Variants in ZNF652 observed in about 807,000 individuals in gnomAD.
ZNF652 encodes the protein zinc finger protein 652.
A neutral mutation model predicts 45.2 loss-of-function variants in ZNF652; 16 were observed. That is an observed-to-expected ratio of 0.35 (90% CI 0.24 to 0.54). The LOEUF (loss-of-function observed/expected upper bound fraction) is 0.54. Ranked by LOEUF, ZNF652 falls within the 20% of genes least tolerant of loss-of-function variation. ZNF652 has a pLI of 0.91. For synonymous variants in ZNF652, 250 were observed against 260.6 expected (o/e 0.96, Z 0.39); for missense variants, 614 against 765.6 (o/e 0.80, Z 2.34).
intron 1 of ZNF652, among the ~76,000 whole-genome samples, chr17:49,357,623 C>G (rs891689571): frequency 6.6e-6 from 1 of 152,178 alleles, no homozygotes; most frequent in Non-Finnish European, 1.5e-5. Context: ...ACTGATATTG[C>G]CACTGATTCT....
At chr17:49,360,447 G>C (rs907500353) in intron 1 of ZNF652, among the ~76,000 whole-genome samples, 1 of 152,108 alleles carries the variant, frequency 6.6e-6, no homozygotes, top group Non-Finnish European at 1.5e-5. Flanking sequence ...ACTAACCACT[G>C]AAGTCAGTTC....
In ZNF652 at chr17:49,297,962, AC is replaced by A. The variant is rs1478753858; in HGVS notation, c.*450del. 1 of 164,504 alleles carries A rather than the reference AC, an allele frequency of 6.1e-6. No individual in the cohort carries two copies. Among genetic ancestry groups the A allele is most frequent in the East Asian group, 1.8e-4 (1 of 5,478 alleles). 10.2% of individuals were successfully genotyped at this position (164,504 alleles called of 1,614,324 possible). A position where few individuals can be genotyped will look rare whatever the true frequency, so the allele number is the denominator to read the frequency against. On this transcript the variant is annotated 3_prime_UTR_variant, in exon 6 of 6. Coordinates refer to ENST00000430262, the MANE Select transcript of ZNF652 (RefSeq NM_001145365.3). ...TGGCCAGCTCAACTCTGTAGCTGGC[AC>A]CAAAAGCTGAAAAGAATTCCTTACC...
At chr17:49,346,666 T>C (rs577391326) in intron 1 of ZNF652, among the ~76,000 whole-genome samples, 15 of 152,332 alleles carry the variant, frequency 9.8e-5, no homozygotes, top group African/African-American at 3.6e-4. Flanking sequence ...TTGATATATA[T>C]ATGTTATATA....
chr17:49,361,662 C>CAGG (rs2070396242), intron 1 of ZNF652, among the ~76,000 whole-genome samples: 1 of 152,140 alleles, frequency 6.6e-6, no homozygotes, highest in African/African-American at 2.4e-5. Context: ...AGCCCGGGTC[C>CAGG]AGGAGGAAGG....
intron 1 of ZNF652, among the ~76,000 whole-genome samples, chr17:49,325,218 A>C (rs2069944331): frequency 6.6e-6 from 1 of 152,088 alleles, no homozygotes; most frequent in Admixed American, 6.6e-5. Flanking sequence ...TCTTCCCTTC[A>C]CTTGACCACT....
chr17:49,316,175 T>G (rs1275714735), intron 2 of ZNF652, among the ~76,000 whole-genome samples: 1 of 152,246 alleles, frequency 6.6e-6, no homozygotes, highest in African/African-American at 2.4e-5. Flanking sequence ...AACAGCCTGG[T>G]TTGAATACCG....
intron 1 of ZNF652, among the ~76,000 whole-genome samples, chr17:49,349,219 C>G (rs1220749809): frequency 6.6e-6 from 1 of 152,054 alleles, no homozygotes; most frequent in South Asian, 2.1e-4. Context: ...GTCAGGAGTT[C>G]AAGACCACCC....
rs2069374897 is a variant in ZNF652, at chr17:49,289,385, T to C, written c.*9028A>G. 6.6e-6 allele frequency: 1 copy of C among 152,236 alleles called. No homozygotes were observed. The highest frequency in any genetic ancestry group is 1.5e-5 in the Non-Finnish European group (1 of 68,046). 9.4% of individuals were successfully genotyped at this position (152,236 alleles called of 1,614,324 possible). A position where few individuals can be genotyped will look rare whatever the true frequency, so the allele number is the denominator to read the frequency against. Reference sequence around the variant, plus strand: ...TTAAAAATACACAAAAAAGTAGTTTTAACAATCTATAAATTTTTTATACTT... The same window carrying C: ...TTAAAAATACACAAAAAAGTAGTTTCAACAATCTATAAATTTTTTATACTT... On this transcript the variant is annotated 3_prime_UTR_variant, in exon 6 of 6. Coordinates refer to ENST00000430262, the MANE Select transcript of ZNF652 (RefSeq NM_001145365.3).
rs1267616405 is a variant in ZNF652, at chr17:49,317,622, GA to G, written c.103del (p.Ser35ProfsTer28). 1 of 1,613,962 alleles carries G rather than the reference GA, an allele frequency of 6.2e-7. No homozygotes were observed. The highest frequency in any genetic ancestry group is 8.5e-7 in the Non-Finnish European group (1 of 1,179,996). ...TTCTTGGTTGGCACCATGATAAAAG[GA>G]AGATGGCACTTGACCACGACGGCTA... ...EDSRRGQVPS[S>X]FYHGANQELD... On this transcript the variant is annotated frameshift_variant, in exon 2 of 6. Transcript: ENST00000430262. LOFTEE classifies it high-confidence loss of function.
In ZNF652 at chr17:49,317,000, T is replaced by C; in HGVS notation, c.726A>G (p.Lys242=). The change falls in exon 2 of 6, where the codon AAA becomes AAG. Residue 242 remains lysine, a synonymous_variant. Coordinates refer to ENST00000430262, the MANE Select transcript of ZNF652 (RefSeq NM_001145365.3). ...GGCACTTCTCACAGGTCAGAGTCTC[T>C]TTCTCTTCACACTTAGCTTTCTGGA... is the stretch of plus-strand genomic sequence containing the variant. The part of the protein sequence containing the change: ...APVQKAKCEE[K]ETLTCEKCPR... 4 of 1,614,158 alleles carry C rather than the reference T, an allele frequency of 2.5e-6. No homozygotes were observed. Among genetic ancestry groups the C allele is most frequent in the Non-Finnish European group, 3.4e-6 (4 of 1,180,036 alleles).
intron 1 of ZNF652, among the ~76,000 whole-genome samples, chr17:49,335,333 G>A (rs1399737643): frequency 6.6e-6 from 1 of 152,158 alleles, no homozygotes; most frequent in Non-Finnish European, 1.5e-5. Context: ...CTTCCATACT[G>A]CTGGGCAGGT....
chr17:49,351,069 ATATT>A (rs1344215502), intron 1 of ZNF652, among the ~76,000 whole-genome samples: 1 of 147,236 alleles, frequency 6.8e-6, no homozygotes, highest in Non-Finnish European at 1.5e-5. Context: ...TTTTATATAA[ATATT>A]TATATATATT....
intron 1 of ZNF652, among the ~76,000 whole-genome samples, chr17:49,340,552 A>T (rs1431892635): frequency 7.8e-6 from 1 of 127,662 alleles, no homozygotes; most frequent in Non-Finnish European, 1.7e-5. Flanking sequence ...TCTGTCTCAA[A>T]AAAAAAAAAA....
At chr17:49,315,869 G>A (rs1322756399) in intron 2 of ZNF652, among the ~76,000 whole-genome samples, 1 of 152,184 alleles carries the variant, frequency 6.6e-6, no homozygotes, top group East Asian at 1.9e-4. Flanking sequence ...GTAGAGCAAT[G>A]ATCTCAGATG....
At position 49,297,226 on chromosome 17, in the gene ZNF652, TAACA is replaced by T. The variant is rs2069488317; in HGVS notation, c.*1183_*1186del. ...TTAAGTTTACTATTTTAGCTTCTTA[TAACA>T]ATTCTAGAAAAATAAAGCAACCTCA... is the stretch of plus-strand genomic sequence containing the variant. On this transcript the variant is annotated 3_prime_UTR_variant, in exon 6 of 6. Transcript: ENST00000430262. The T allele has an allele frequency of 1.3e-5, 2 of 152,462 alleles. No individual in the cohort carries two copies. The allele number at this position is 152,462 out of a possible 1,614,324, so 9.4% of individuals were successfully genotyped here. A position where few individuals can be genotyped will look rare whatever the true frequency, so the allele number is the denominator to read the frequency against.
At position 49,296,849 on chromosome 17, in the gene ZNF652, T is replaced by C. The variant is rs1041813958; in HGVS notation, c.*1564A>G. 6.6e-6 allele frequency: 1 copy of C among 152,202 alleles called. No individual in the cohort carries two copies. The highest frequency in any genetic ancestry group is 2.4e-5 in the African/African-American group (1 of 41,440). The allele number at this position is 152,202 out of a possible 1,614,324, so 9.4% of individuals were successfully genotyped here. A position where few individuals can be genotyped will look rare whatever the true frequency, so the allele number is the denominator to read the frequency against. On this transcript the variant is annotated 3_prime_UTR_variant, in exon 6 of 6. Transcript: ENST00000430262. ...AAGCTATACTGAGTCTGGATAAATATGATCTGTTAAGTGTAATCAATACAC... is the reference window on the plus strand; with the variant it reads ...AAGCTATACTGAGTCTGGATAAATACGATCTGTTAAGTGTAATCAATACAC...
chr17:49,313,215 G>A (rs995203450), intron 2 of ZNF652, among the ~76,000 whole-genome samples: 22 of 152,284 alleles, frequency 1.4e-4, no homozygotes, highest in Non-Finnish European at 2.5e-4. Context: ...GAGTGCAGTG[G>A]CGCGATCTAG....
intron 1 of ZNF652, among the ~76,000 whole-genome samples, chr17:49,354,302 G>C (rs543935190): frequency 2.0e-5 from 3 of 152,058 alleles, no homozygotes; most frequent in African/African-American, 7.2e-5. Flanking sequence ...AAGAGAAAAA[G>C]AGGGGAAAAG....
At chr17:49,304,540 T>C (rs1439020637) in intron 5 of ZNF652, among the ~76,000 whole-genome samples, 1 of 152,160 alleles carries the variant, frequency 6.6e-6, no homozygotes, top group African/African-American at 2.4e-5. Flanking sequence ...CAACTACCTG[T>C]ACAATGTCCC....
Sources: gnomAD v4.1 joint callset for allele counts (sites outside exome capture counted in the v4.1 genomes callset) on GRCh38, gnomAD v4.1.1 for gene constraint, MANE v1.5 for transcripts, NCBI Gene and HGNC (gene_info 2026-07-23, HGNC 2026-07-21) for gene names.